Variants in ZBTB7C observed in about 807,000 individuals in gnomAD.
ZBTB7C encodes zinc finger and BTB domain-containing protein 7C.
Under a neutral mutation model 25.7 loss-of-function variants are expected in ZBTB7C, and 8 were observed. The ratio of observed to expected loss-of-function variants is 0.31; its 90% confidence interval spans 0.18 to 0.56. ZBTB7C has a LOEUF of 0.56. Among genes scored for constraint, ZBTB7C ranks in the 20% least tolerant of loss-of-function variants. The pLI is 0.91. For missense variants in ZBTB7C, 824 were observed against 855.2 expected (o/e 0.96, Z 0.46); for synonymous variants, 394 against 369.0 (o/e 1.07, Z -0.78).
At chr18:48,264,757 T>A (rs886333458) in intron 2 of ZBTB7C, among the ~76,000 whole-genome samples, 3 of 152,024 alleles carry the variant, frequency 2.0e-5, no homozygotes, top group African/African-American at 7.2e-5. Context: ...TGGTGGACAC[T>A]CCCCCAAAAG....
At chr18:48,256,221 A>T (rs1308097622) in intron 2 of ZBTB7C, among the ~76,000 whole-genome samples, 1 of 152,172 alleles carries the variant, frequency 6.6e-6, no homozygotes, top group Non-Finnish European at 1.5e-5. Context: ...TGTCATAATC[A>T]AATTGTTCAA....
intron 3 of ZBTB7C, among the ~76,000 whole-genome samples, chr18:48,143,400 A>T (rs2144845626): frequency 6.6e-6 from 1 of 152,336 alleles, no homozygotes; most frequent in South Asian, 2.1e-4. Context: ...TATGCACAGA[A>T]AACTAAGAAA....
chr18:48,304,841 CAAAAA>C (rs35398428), intron 2 of ZBTB7C, among the ~76,000 whole-genome samples: 1 of 90,376 alleles, frequency 1.1e-5, no homozygotes, highest in African/African-American at 4.2e-5. Context: ...GGCTCTACCT[CAAAAA>C]AAAAAAAAAA....
intron 3 of ZBTB7C, among the ~76,000 whole-genome samples, chr18:48,096,612 C>A (rs571419960): frequency 7.9e-5 from 12 of 152,318 alleles, no homozygotes; most frequent in Admixed American, 5.9e-4. Context: ...GGCAACTACT[C>A]CACTGCTGTG....
At chr18:48,259,501 C>G (rs1459793836) in intron 2 of ZBTB7C, among the ~76,000 whole-genome samples, 1 of 125,680 alleles carries the variant, frequency 8.0e-6, no homozygotes, top group Non-Finnish European at 1.6e-5. Flanking sequence ...TTAGATATGA[C>G]ACAAAAAGCA....
At chr18:48,261,105 G>GT (rs2044158885) in intron 2 of ZBTB7C, among the ~76,000 whole-genome samples, 1 of 152,194 alleles carries the variant, frequency 6.6e-6, no homozygotes, top group Non-Finnish European at 1.5e-5. Context: ...GTAATGAAGA[G>GT]TTCCAGGGGC....
chr18:48,076,897 C>T (rs539003479), intron 3 of ZBTB7C: 6 of 974,024 alleles, frequency 6.2e-6, no homozygotes, highest in Non-Finnish European at 7.3e-6. Context: ...TCCAACAAAT[C>T]GAATTCAATC....
intron 2 of ZBTB7C, among the ~76,000 whole-genome samples, chr18:48,328,122 C>T (rs929942282): frequency 7.0e-6 from 1 of 143,238 alleles, no homozygotes; most frequent in Admixed American, 7.3e-5. Flanking sequence ...GTGGAGCTTG[C>T]AGTGAGCCGA....
intron 2 of ZBTB7C, among the ~76,000 whole-genome samples, chr18:48,270,801 A>C (rs1295978615): frequency 1.3e-5 from 2 of 151,976 alleles, no homozygotes; most frequent in East Asian, 3.9e-4. Context: ...TGGCCTCCCA[A>C]AGTGCTGCGA....
chr18:48,162,581 A>G (rs146983072), intron 3 of ZBTB7C, among the ~76,000 whole-genome samples: 25 of 152,302 alleles, frequency 1.6e-4, no homozygotes, highest in Non-Finnish European at 2.8e-4. Flanking sequence ...CCTATGCACG[A>G]GGGAGATCAC....
chr18:48,402,264 T>TAAAA (rs34563418), intron 1 of ZBTB7C, among the ~76,000 whole-genome samples: 1 of 131,336 alleles, frequency 7.6e-6, no homozygotes, highest in African/African-American at 2.8e-5. Flanking sequence ...TATTTTTAGG[T>TAAAA]AAAAAAAAAA....
intron 3 of ZBTB7C, among the ~76,000 whole-genome samples, chr18:48,085,725 TG>T (rs1339287987): frequency 6.6e-6 from 1 of 152,142 alleles, no homozygotes; most frequent in Admixed American, 6.5e-5. Flanking sequence ...GAAAACTGAG[TG>T]TTGGTCATGA....
chr18:48,289,617 T>C (rs1292606270), intron 2 of ZBTB7C, among the ~76,000 whole-genome samples: 2 of 150,082 alleles, frequency 1.3e-5, no homozygotes, highest in Non-Finnish European at 1.5e-5. Context: ...TACACAATTA[T>C]GTATTTATTA....
intron 2 of ZBTB7C, among the ~76,000 whole-genome samples, chr18:48,196,023 G>C (rs2042310373): frequency 6.6e-6 from 1 of 152,214 alleles, no homozygotes; most frequent in Non-Finnish European, 1.5e-5. Context: ...AGCAGACATG[G>C]TGGACATCTT....
intron 2 of ZBTB7C, among the ~76,000 whole-genome samples, chr18:48,278,526 C>T (rs1191768899): frequency 1.3e-5 from 2 of 152,022 alleles, no homozygotes; most frequent in Admixed American, 6.6e-5. Context: ...ACCTCCGCCT[C>T]CTGGGTTCAA....
chr18:48,374,255 T>G (rs1396453831), intron 1 of ZBTB7C: 2 of 152,218 alleles, frequency 1.3e-5, no homozygotes, highest in African/African-American at 2.4e-5. Flanking sequence ...CATCAGAGGA[T>G]GTTTACGAAC....
intron 1 of ZBTB7C, among the ~76,000 whole-genome samples, chr18:48,349,812 T>C (rs945995146): frequency 6.6e-6 from 1 of 152,106 alleles, no homozygotes; most frequent in African/African-American, 2.4e-5. Flanking sequence ...ACTGGCATCC[T>C]GGAGGGCAGT....
chr18:48,305,970 C>T (rs1372160861), intron 2 of ZBTB7C, among the ~76,000 whole-genome samples: 2 of 152,184 alleles, frequency 1.3e-5, no homozygotes, highest in African/African-American at 4.8e-5. Flanking sequence ...CAGAAACATC[C>T]TGAAAAGAAA....
At chr18:48,346,745 A>G (rs2046739348) in intron 1 of ZBTB7C, 1 of 151,716 alleles carries the variant, frequency 6.6e-6, no homozygotes, top group South Asian at 2.1e-4. Context: ...CAGATTTAGA[A>G]TTTCACTCCA....
Sources: gnomAD v4.1 joint callset for allele counts (sites outside exome capture counted in the v4.1 genomes callset) on GRCh38, gnomAD v4.1.1 for gene constraint, MANE v1.5 for transcripts, NCBI Gene and HGNC (gene_info 2026-07-23, HGNC 2026-07-21) for gene names.